The following SLIT2 variants were observed in gnomAD, a reference collection of about 807,000 sequenced individuals.
The protein encoded by SLIT2 is slit homolog 2 protein.
In SLIT2, 41 loss-of-function variants were observed where a neutral mutation model predicts 185.7. That is an observed-to-expected ratio of 0.22 (90% CI 0.17 to 0.29). The LOEUF is 0.29. Among genes scored for constraint, SLIT2 ranks in the 10% least tolerant of loss-of-function variants. The pLI is 1.00. For synonymous variants in SLIT2, 693 were observed against 680.2 expected (o/e 1.02, Z -0.29); for missense variants, 1,571 against 1,909.0 (o/e 0.82, Z 3.30).
chr4:20,489,642 G>T lies in SLIT2; in HGVS notation c.775+660G>T, dbSNP rs376279723. Among the ~76,000 whole-genome samples the T allele has an allele frequency of 3.9e-5, 6 of 152,064 alleles. No homozygotes were observed. In the East Asian group the frequency reaches 7.7e-4, roughly 20 times the overall value. On this transcript the variant is annotated intron_variant, in intron 8 of 36. Coordinates refer to ENST00000504154, the MANE Select transcript of SLIT2 (RefSeq NM_004787.4). ...TTTCTAAAAATACAAAAACTAGCTG[G>T]GCATGGTGGTGCATGCCTGTAATTC...
intron 4 of SLIT2, among the ~76,000 whole-genome samples, chr4:20,326,848 AT>A (rs1450908442): frequency 1.4e-5 from 1 of 72,168 alleles, no homozygotes; most frequent in Admixed American, 1.6e-4. Context: ...TCCTTTTTTT[AT>A]TTTCCCCAAA....
intron 4 of SLIT2, among the ~76,000 whole-genome samples, chr4:20,350,165 G>A (rs73106789): frequency 0.053 from 8,094 of 152,098 alleles, 451 homozygotes; most frequent in African/African-American, 0.14. Flanking sequence ...TCCTTAAAAC[G>A]TAACCATCTG....
At chr4:20,470,052 G>A (rs901863902) in intron 5 of SLIT2, among the ~76,000 whole-genome samples, 7 of 151,986 alleles carry the variant, frequency 4.6e-5, no homozygotes, top group Non-Finnish European at 8.8e-5. Flanking sequence ...ACTGTGCCTG[G>A]CCAGTTTTTA....
At chr4:20,482,518 A>G (rs1716807290) in intron 6 of SLIT2, among the ~76,000 whole-genome samples, 1 of 152,012 alleles carries the variant, frequency 6.6e-6, no homozygotes, top group Admixed American at 6.6e-5. Context: ...ACGTTTATGA[A>G]AACACAATCA....
At chr4:20,473,891 T>C (rs895565973) in intron 5 of SLIT2, among the ~76,000 whole-genome samples, 2 of 152,050 alleles carry the variant, frequency 1.3e-5, no homozygotes, top group South Asian at 4.1e-4. Context: ...TAGGTCATAA[T>C]TGCAAAATGT....
At chr4:20,498,034 G>A (rs145081596) in intron 9 of SLIT2, among the ~76,000 whole-genome samples, 120 of 152,188 alleles carry the variant, frequency 7.9e-4, no homozygotes, top group East Asian at 2.9e-3. Flanking sequence ...TTAGCCAGGC[G>A]TGGCAGTGCG....
rs770956674 is a variant in SLIT2, at chr4:20,533,676, A to C, written c.1793A>C (p.Gln598Pro). 6.2e-7 allele frequency: 1 copy of C among 1,613,860 alleles called. No homozygotes were observed. The highest frequency in any genetic ancestry group is 1.1e-5 in the South Asian group (1 of 90,990). ...LLTSNRLENVQHKMFKGLESL... is the reference protein window; with the variant it reads ...LLTSNRLENVPHKMFKGLESL... Reference sequence around the variant, plus strand: ...ACGAGTAATCGTTTGGAAAATGTGCAGCATAAGATGTTCAAGGGATTGGAA... The same window carrying C: ...ACGAGTAATCGTTTGGAAAATGTGCCGCATAAGATGTTCAAGGGATTGGAA... Residue 598 changes from glutamine (Q) to proline (P), a missense_variant, in exon 18 of 37, where the codon CAG (glutamine) becomes CCG (proline). This residue lies in a region of SLIT2 where 1,202 missense variants were observed against 1,416.4 expected (regional missense o/e 0.85). Coordinates refer to ENST00000504154, the MANE Select transcript of SLIT2 (RefSeq NM_004787.4).
chr4:20,555,286 T>C (rs917591927), intron 26 of SLIT2, among the ~76,000 whole-genome samples: 2 of 152,114 alleles, frequency 1.3e-5, no homozygotes, highest in Non-Finnish European at 2.9e-5. Flanking sequence ...CATTTGAATA[T>C]TTATGGAGGA....
chr4:20,284,629 T>C lies in SLIT2; in HGVS notation c.395+15748T>C, dbSNP rs1715095214. Among the ~76,000 whole-genome samples the C allele has an allele frequency of 2.0e-5, 3 of 152,352 alleles. No homozygotes were observed. In the South Asian group the frequency reaches 6.2e-4, roughly 32 times the overall value. ...AAAAGAATAGCCATCAGTACACTTG[T>C]TCAGTCAATATATCTAAGCACTTAT... On this transcript the variant is annotated intron_variant, in intron 4 of 36. Coordinates refer to ENST00000504154, the MANE Select transcript of SLIT2 (RefSeq NM_004787.4).
intron 4 of SLIT2, among the ~76,000 whole-genome samples, chr4:20,368,113 T>C (rs566154714): frequency 2.0e-5 from 3 of 151,788 alleles, no homozygotes; most frequent in South Asian, 2.1e-4. Flanking sequence ...ACATGATTCT[T>C]GAAGCTGAGA....
intron 5 of SLIT2, among the ~76,000 whole-genome samples, chr4:20,469,898 G>A (rs1029179107): frequency 8.6e-5 from 13 of 151,646 alleles, no homozygotes; most frequent in African/African-American, 2.7e-4. Context: ...TGGGATTATA[G>A]GCACTCGCCA....
At chr4:20,263,287 G>C (rs1453596069) in intron 3 of SLIT2, among the ~76,000 whole-genome samples, 1 of 150,356 alleles carries the variant, frequency 6.7e-6, no homozygotes, top group Non-Finnish European at 1.5e-5. Flanking sequence ...AATGCTTTCA[G>C]AACGAAAGCT....
At chr4:20,401,405 C>T in intron 4 of SLIT2, among the ~76,000 whole-genome samples, 1 of 151,986 alleles carries the variant, frequency 6.6e-6, no homozygotes, top group Admixed American at 6.6e-5. Flanking sequence ...ATCTGGCTTC[C>T]TGCTTTGTGC....
chr4:20,517,847 T>C (rs1560493998), intron 11 of SLIT2, among the ~76,000 whole-genome samples: 2 of 152,056 alleles, frequency 1.3e-5, no homozygotes, highest in Admixed American at 6.6e-5. Flanking sequence ...TATATACTGC[T>C]GCCAAACGTA....
chr4:20,316,117 G>A (rs74405315), intron 4 of SLIT2, among the ~76,000 whole-genome samples: 1,658 of 152,074 alleles, frequency 0.011, 19 homozygotes, highest in Middle Eastern at 0.058. Context: ...CATTCACTGC[G>A]TTATTCTAAG....
chr4:20,594,624 C>G (rs965898891), intron 30 of SLIT2, among the ~76,000 whole-genome samples: 7 of 152,016 alleles, frequency 4.6e-5, no homozygotes, highest in African/African-American at 1.7e-4. Flanking sequence ...GCTGCACGTG[C>G]CACACTGCCT....
chr4:20,377,573 T>C (rs905545331), intron 4 of SLIT2, among the ~76,000 whole-genome samples: 2 of 152,158 alleles, frequency 1.3e-5, no homozygotes, highest in African/African-American at 2.4e-5. Context: ...TGATTGCATA[T>C]GGCAGTCCCA....
Position 20,268,871 on chromosome 4 carries a change from C to A in SLIT2, c.385C>A (p.Leu129Ile). The part of the protein sequence containing the change: ...PELLFLGTAK[L>I]YRLDLSENQI... ...GTTGCTGTTTCTTGGGACTGCGAAG[C>A]TATACAGGCTGTAAGTAGACACAAA... is the stretch of plus-strand genomic sequence containing the variant. The change falls in exon 4 of 37, where the codon CTA becomes ATA. Residue 129 changes from leucine (L) to isoleucine (I), a missense_variant. By Grantham distance (5) the Leu-to-Ile change is conservative (BLOSUM62 2). This residue lies in a region of SLIT2 where 1,202 missense variants were observed against 1,416.4 expected (regional missense o/e 0.85). Transcript: ENST00000504154. The A allele has an allele frequency of 6.3e-7, 1 of 1,597,236 alleles. No individual in the cohort carries two copies. The highest frequency in any genetic ancestry group is 8.6e-7 in the Non-Finnish European group (1 of 1,165,070).
chr4:20,601,192 T>G (rs1728385275), intron 33 of SLIT2, among the ~76,000 whole-genome samples: 1 of 152,178 alleles, frequency 6.6e-6, no homozygotes, highest in Non-Finnish European at 1.5e-5. Context: ...AAAATTGAAA[T>G]AATAGAAAAA....
Sources: allele counts gnomAD v4.1 joint callset (sites outside exome capture counted in the v4.1 genomes callset), GRCh38; gene constraint gnomAD v4.1.1; regional missense constraint gnomAD v4.1.1; transcripts MANE v1.5; gene names NCBI Gene and HGNC (gene_info 2026-07-23, HGNC 2026-07-21).